Variants in MDGA1 observed in about 807,000 individuals in gnomAD.
MDGA1 encodes MAM domain-containing glycosylphosphatidylinositol anchor protein 1.
MDGA1 carries 54 observed loss-of-function variants against 101.5 expected under a neutral mutation model. That is an observed-to-expected ratio of 0.53 (90% CI 0.43 to 0.67). The LOEUF (loss-of-function observed/expected upper bound fraction) is 0.67. Ranked by LOEUF, MDGA1 falls within the 30% of genes least tolerant of loss-of-function variation. The pLI is 0.00. For synonymous variants in MDGA1, 533 were observed against 558.3 expected, an observed-to-expected ratio of 0.95 and a Z score of 0.64; for missense variants, 1,083 against 1,323.8, an observed-to-expected ratio of 0.82 and a Z score of 2.82.
In MDGA1 at chr6:37,664,201, G is replaced by A. The variant is rs970531504; in HGVS notation, c.68-95C>T. ...TCCTGAGTGTATCTGGGAGGGGTCA[G>A]CCCAGATCTCCCCAGGCCATTCCTC... On this transcript the variant is annotated intron_variant, in intron 1 of 16. Coordinates refer to ENST00000434837, the MANE Select transcript of MDGA1 (RefSeq NM_153487.4). 4.0e-6 allele frequency: 6 copies of A among 1,484,184 alleles called. No homozygotes were observed. The African/African-American group carries it at 8.2e-5, about 20-fold the overall frequency. The allele number at this position is 1,484,184 out of a possible 1,614,324, so 91.9% of individuals were successfully genotyped here. A position where few individuals can be genotyped will look rare whatever the true frequency, so the allele number is the denominator to read the frequency against.
At chr6:37,646,007 C>T (rs756797221) in intron 11 of MDGA1, 51 bp from the exon 12 acceptor site, 6 of 1,613,322 alleles carry the variant, frequency 3.7e-6, no homozygotes, top group Middle Eastern at 1.7e-4. Context: ...TGGGGCTCTG[C>T]AGAGGATACC....
chr6:37,682,989 C>T (rs1762127985), intron 1 of MDGA1, among the ~76,000 whole-genome samples: 1 of 152,162 alleles, frequency 6.6e-6, no homozygotes, highest in African/African-American at 2.4e-5. Flanking sequence ...CCCTCTAACC[C>T]CTAACAATTG....
At chr6:37,642,395 C>T (rs1465823451) in intron 14 of MDGA1, among the ~76,000 whole-genome samples, 2 of 151,986 alleles carry the variant, frequency 1.3e-5, no homozygotes, top group Admixed American at 6.6e-5. Context: ...TGGTCTCGAA[C>T]TCTTGATCTC....
chr6:37,681,686 G>A (rs560647463), intron 1 of MDGA1, among the ~76,000 whole-genome samples: 2 of 152,258 alleles, frequency 1.3e-5, no homozygotes, highest in Non-Finnish European at 2.9e-5. Flanking sequence ...GGAGGAACAT[G>A]TTACAGCTTC....
intron 14 of MDGA1, among the ~76,000 whole-genome samples, chr6:37,640,106 C>T (rs552793394): frequency 6.6e-6 from 1 of 152,180 alleles, no homozygotes; most frequent in African/African-American, 2.4e-5. Context: ...TCAGAGTTCA[C>T]CGGAAGGATA....
In MDGA1 at chr6:37,654,784, AG is replaced by A; in HGVS notation, c.712+15del. The A allele has an allele frequency of 6.2e-7, 1 of 1,613,350 alleles. No homozygotes were observed. The highest frequency in any genetic ancestry group is 8.5e-7 in the Non-Finnish European group (1 of 1,179,634). On this transcript the variant is annotated intron_variant, in intron 5 of 16. Transcript: ENST00000434837. The stretch of plus-strand genomic sequence containing the variant: ...GCTCAGGTAGGGAAGGAGTATGGGG[AG>A]GAAAATGCCTGTACCCGTGGTGTTG...
At position 37,638,760 on chromosome 6, in the gene MDGA1, T is replaced by C; in HGVS notation, c.2537-93A>G. 1 of 1,498,242 alleles carries C rather than the reference T, an allele frequency of 6.7e-7. No homozygotes were observed. The highest frequency in any genetic ancestry group is 9.0e-7 in the Non-Finnish European group (1 of 1,112,174). 92.8% of individuals were successfully genotyped at this position (1,498,242 alleles called of 1,614,324 possible). On this transcript the variant is annotated intron_variant, in intron 14 of 16. Transcript: ENST00000434837. This position sits in a 1 kb window ranked among gnomAD's most constrained non-coding sequence, Gnocchi z 4.8. ...CAAGCCCTCTTCTCCCACCATAGCC[T>C]GCAGCCCTGTCCCTGTTGACAGGAC... is the stretch of plus-strand genomic sequence containing the variant.
chr6:37,647,191 G>A lies in MDGA1; in HGVS notation c.2028C>T (p.Tyr676=), dbSNP rs574029967. The change falls in exon 10 of 17, where the codon TAC becomes TAT. Residue 676 remains tyrosine, a synonymous_variant. Transcript: ENST00000434837. ...EPDAVDPVLN[Y]RLSIRQLNQH... is the part of the protein sequence containing the mutation. ...GGCCCACCTGGCGGATGCTGAGTCT[G>A]TAGTTGAGCACAGGGTCGACAGCGT... The A allele has an allele frequency of 9.4e-6, 15 of 1,597,748 alleles. No individual in the cohort carries two copies. The highest frequency in any genetic ancestry group is 1.7e-5 in the Admixed American group (1 of 57,474).
chr6:37,641,377 AG>A (rs1389669881), intron 14 of MDGA1, among the ~76,000 whole-genome samples: 1 of 152,094 alleles, frequency 6.6e-6, no homozygotes, highest in East Asian at 1.9e-4. Flanking sequence ...AGGGACAGGG[AG>A]GGGGCATTGG....
Position 37,655,688 on chromosome 6 carries a change from G to GC in MDGA1, c.579+11dup. On this transcript the variant is annotated intron_variant, in intron 4 of 16. Coordinates refer to ENST00000434837, the MANE Select transcript of MDGA1 (RefSeq NM_153487.4). The surrounding 1 kb of genome is among the most constrained non-coding windows in gnomAD (Gnocchi z 5.1). The stretch of plus-strand genomic sequence containing the variant: ...AGAAGTGGTATGGGGCGAGCCAGCT[G>GC]CCCATCCTGACCTGAGTGTAGAGGG... The GC allele has an allele frequency of 6.3e-7, 1 of 1,594,824 alleles. No individual in the cohort carries two copies. Among genetic ancestry groups the GC allele is most frequent in the Non-Finnish European group, 8.6e-7 (1 of 1,169,510 alleles).
At position 37,638,363 on chromosome 6, in the gene MDGA1, G is replaced by A; in HGVS notation, c.2668-50C>T. On this transcript the variant is annotated intron_variant, in intron 15 of 16. Coordinates refer to ENST00000434837, the MANE Select transcript of MDGA1 (RefSeq NM_153487.4). The surrounding 1 kb of genome is among the most constrained non-coding windows in gnomAD (Gnocchi z 4.8). ...AGCAAGGGTTGAGGAGGTTCTGCTG[G>A]GTACCAGAGTGCTCCCTCGACCCCA... 1.3e-6 allele frequency: 2 copies of A among 1,530,216 alleles called. No individual in the cohort carries two copies. Among genetic ancestry groups the A allele is most frequent in the Non-Finnish European group, 1.8e-6 (2 of 1,123,954 alleles). The allele number at this position is 1,530,216 out of a possible 1,614,324, so 94.8% of individuals were successfully genotyped here.
At chr6:37,684,614 C>T (rs1056738696) in intron 1 of MDGA1, among the ~76,000 whole-genome samples, 1 of 152,162 alleles carries the variant, frequency 6.6e-6, no homozygotes, top group African/African-American at 2.4e-5. Context: ...CCTTGATAAG[C>T]CACTTGCCTT....
At chr6:37,690,464 C>T (rs1016065005) in intron 1 of MDGA1, among the ~76,000 whole-genome samples, 4 of 152,180 alleles carry the variant, frequency 2.6e-5, no homozygotes, top group Non-Finnish European at 4.4e-5. Flanking sequence ...ACAGGCTGGA[C>T]AGTCAATGTT....
At chr6:37,672,713 T>C (rs1761897449) in intron 1 of MDGA1, among the ~76,000 whole-genome samples, 1 of 152,186 alleles carries the variant, frequency 6.6e-6, no homozygotes, top group Non-Finnish European at 1.5e-5. Flanking sequence ...TTGGGATCTG[T>C]GTTCTGGTCC....
At position 37,638,844 on chromosome 6, in the gene MDGA1, G is replaced by A. The variant is rs1016303308; in HGVS notation, c.2537-177C>T. On this transcript the variant is annotated intron_variant, in intron 14 of 16. Coordinates refer to ENST00000434837, the MANE Select transcript of MDGA1 (RefSeq NM_153487.4). The surrounding 1 kb of genome is among the most constrained non-coding windows in gnomAD (Gnocchi z 4.8). ...ATTCCTGCAGGGACACCCTCAGTGT[G>A]GGAAAGAGAAGACTTCAGCAGGATT... 1 of 765,668 alleles carries A rather than the reference G, an allele frequency of 1.3e-6. No individual in the cohort carries two copies. Among genetic ancestry groups the A allele is most frequent in the African/African-American group, 1.8e-5 (1 of 56,948 alleles). 47.4% of individuals were successfully genotyped at this position (765,668 alleles called of 1,614,324 possible). A position where few individuals can be genotyped will look rare whatever the true frequency, so the allele number is the denominator to read the frequency against.
rs764381720 is a variant in MDGA1, at chr6:37,663,947, AGGCTGGGCTGGG to A, written c.207+8_207+19del. On this transcript the variant is annotated splice_region_variant and intron_variant, in intron 2 of 16. Transcript: ENST00000434837. ...GGTGAGGGTAGGAGGGGCCTGAGCA[AGGCTGGGCTGGG>A]GGCTTACCTGGGGTCGAGGGTGCCC... 1.2e-6 allele frequency: 2 copies of A among 1,613,466 alleles called. No individual in the cohort carries two copies. Among genetic ancestry groups the A allele is most frequent in the Non-Finnish European group, 1.7e-6 (2 of 1,179,628 alleles).
chr6:37,688,495 C>A (rs1022088343), intron 1 of MDGA1, among the ~76,000 whole-genome samples: 1 of 152,206 alleles, frequency 6.6e-6, no homozygotes. Context: ...TCTGCTCAAG[C>A]CACCACCCAG....
In MDGA1 at chr6:37,654,493, C is replaced by G. The variant is rs567455988; in HGVS notation, c.763G>C (p.Gly255Arg). 1 of 1,614,036 alleles carries G rather than the reference C, an allele frequency of 6.2e-7. No individual in the cohort carries two copies. The highest frequency in any genetic ancestry group is 2.2e-5 in the East Asian group (1 of 44,872). ...SVNETLVVNP[G>R]ENVTVQCLLT... ...AGACACTGCACCGTCACATTCTCCC[C>G]AGGGTTCACCACCAGAGTTTCGTTC... Residue 255 changes from glycine to arginine, a missense_variant, in exon 6 of 17, where the codon GGG becomes CGG. Gly to Arg is a moderately radical substitution (Grantham distance 125, BLOSUM62 -2). Transcript: ENST00000434837.
intron 10 of MDGA1, among the ~76,000 whole-genome samples, 199 bp from the exon 11 acceptor site, chr6:37,646,574 C>T (rs1761203361): frequency 6.6e-6 from 1 of 152,144 alleles, no homozygotes; most frequent in Admixed American, 6.5e-5. Flanking sequence ...TCATTTAATC[C>T]TCAAAATTAC....
Sources: gnomAD v4.1 joint callset for allele counts (sites outside exome capture counted in the v4.1 genomes callset) on GRCh38, gnomAD v4.1.1 for gene constraint, Gnocchi (gnomAD v3.1) non-coding constraint, MANE v1.5 for transcripts, NCBI Gene and HGNC (gene_info 2026-07-23, HGNC 2026-07-21) for gene names.